The following ADAMTS19 variants were observed in gnomAD, a reference collection of about 807,000 sequenced individuals.
ADAMTS19 encodes the protein A disintegrin and metalloproteinase with thrombospondin motifs 19.
In ADAMTS19, 93 loss-of-function variants were observed where a neutral mutation model predicts 153.3. That is an observed-to-expected ratio of 0.61 (90% CI 0.51 to 0.72). The LOEUF (loss-of-function observed/expected upper bound fraction) is 0.72, where lower values mean the gene tolerates loss of function less well. Among genes scored for constraint, ADAMTS19 ranks in the 30% least tolerant of loss-of-function variants. The probability of loss-of-function intolerance (pLI) is 0.00; values close to 1 mark genes in which losing one functional copy is unlikely to be tolerated. For missense variants in ADAMTS19, 1,482 were observed against 1,552.1 expected, an observed-to-expected ratio of 0.95 and a Z score of 0.76; for synonymous variants, 600 against 556.6, an observed-to-expected ratio of 1.08 and a Z score of -1.10.
chr5:129,643,144 C>A (rs1013635927), intron 11 of ADAMTS19, among the ~76,000 whole-genome samples: 1 of 151,276 alleles, frequency 6.6e-6, no homozygotes, highest in Non-Finnish European at 1.5e-5. Flanking sequence ...AGTGTGTATA[C>A]AGATGTGAAT....
intron 17 of ADAMTS19, among the ~76,000 whole-genome samples, chr5:129,682,756 G>C (rs1219839631): frequency 6.6e-6 from 1 of 152,136 alleles, no homozygotes; most frequent in African/African-American, 2.4e-5. Flanking sequence ...TTAGTACACT[G>C]TATGTGTTAC....
intron 18 of ADAMTS19, among the ~76,000 whole-genome samples, chr5:129,693,784 ATAG>A (rs1237353967): frequency 6.6e-6 from 1 of 152,190 alleles, no homozygotes; most frequent in Non-Finnish European, 1.5e-5. Context: ...AAATTTTATC[ATAG>A]TAGAGAAAGT....
intron 21 of ADAMTS19, among the ~76,000 whole-genome samples, chr5:129,724,509 C>G (rs1240237144): frequency 6.6e-6 from 1 of 152,028 alleles, no homozygotes; most frequent in Non-Finnish European, 1.5e-5. Context: ...GAAGGAGAGA[C>G]CAAGGCAAGT....
At chr5:129,686,452 A>C (rs908431495) in intron 18 of ADAMTS19, among the ~76,000 whole-genome samples, 2 of 152,142 alleles carry the variant, frequency 1.3e-5, no homozygotes, top group Non-Finnish European at 2.9e-5. Context: ...AAGGCTAGAA[A>C]TATAGAGGAT....
intron 6 of ADAMTS19, among the ~76,000 whole-genome samples, chr5:129,530,345 C>T (rs988996559): frequency 3.9e-5 from 6 of 152,048 alleles, no homozygotes; most frequent in Non-Finnish European, 8.8e-5. Flanking sequence ...TATTTGAAGA[C>T]ATAATGGCAA....
At chr5:129,638,058 C>A (rs1427827576) in intron 10 of ADAMTS19, among the ~76,000 whole-genome samples, 1 of 152,004 alleles carries the variant, frequency 6.6e-6, no homozygotes, top group Non-Finnish European at 1.5e-5. Context: ...TGTTCAGTAA[C>A]CCCCTAGGAA....
At chr5:129,708,996 A>ATAC (rs1443523212) in intron 21 of ADAMTS19, among the ~76,000 whole-genome samples, 2 of 152,100 alleles carry the variant, frequency 1.3e-5, no homozygotes, top group Non-Finnish European at 2.9e-5. Context: ...ATTTGTTTAG[A>ATAC]AGTGATAGAT....
chr5:129,521,467 T>C (rs1188693447), intron 3 of ADAMTS19, among the ~76,000 whole-genome samples: 2 of 152,202 alleles, frequency 1.3e-5, no homozygotes, highest in Non-Finnish European at 2.9e-5. Flanking sequence ...TTCCTATTCA[T>C]ATACAATTTT....
At chr5:129,551,442 G>A (rs914709382) in intron 6 of ADAMTS19, among the ~76,000 whole-genome samples, 1 of 151,550 alleles carries the variant, frequency 6.6e-6, no homozygotes, top group Non-Finnish European at 1.5e-5. Flanking sequence ...AAAATATTAT[G>A]TTGTTTTAAG....
At chr5:129,617,786 C>A (rs1421945730) in intron 8 of ADAMTS19, among the ~76,000 whole-genome samples, 1 of 151,940 alleles carries the variant, frequency 6.6e-6, no homozygotes, top group Admixed American at 6.6e-5. Flanking sequence ...TAAGTAAATT[C>A]TTTTGATTGT....
At chr5:129,669,017 T>A (rs1048692525) in intron 16 of ADAMTS19, among the ~76,000 whole-genome samples, 1 of 151,904 alleles carries the variant, frequency 6.6e-6, no homozygotes, top group African/African-American at 2.4e-5. Context: ...ATTAAAACAG[T>A]ACGATCCTGG....
intron 7 of ADAMTS19, among the ~76,000 whole-genome samples, chr5:129,594,995 T>C (rs1306991131): frequency 6.6e-6 from 1 of 152,142 alleles, no homozygotes; most frequent in African/African-American, 2.4e-5. Flanking sequence ...GATGATAAAT[T>C]TCTATAAAAT....
At chr5:129,591,681 A>AATAGTAAGACTC (rs1561589333) in intron 7 of ADAMTS19, among the ~76,000 whole-genome samples, 1 of 152,102 alleles carries the variant, frequency 6.6e-6, no homozygotes, top group Non-Finnish European at 1.5e-5. Context: ...TGCTTCAAAT[A>AATAGTAAGACTC]ATAGTAAGAC....
intron 10 of ADAMTS19, among the ~76,000 whole-genome samples, chr5:129,631,759 G>A (rs1752308456): frequency 6.6e-6 from 1 of 151,818 alleles, no homozygotes; most frequent in African/African-American, 2.4e-5. Context: ...GCCTCTTGTA[G>A]TATAAGCATG....
At chr5:129,551,223 T>C (rs2126822353) in intron 6 of ADAMTS19, among the ~76,000 whole-genome samples, 1 of 151,806 alleles carries the variant, frequency 6.6e-6, no homozygotes, top group South Asian at 2.1e-4. Flanking sequence ...ATAGCTCTTA[T>C]TAAGGTCTAT....
In ADAMTS19 at chr5:129,647,743, TAA is replaced by T; in HGVS notation, c.1873-21_1873-20del. On this transcript the variant is annotated intron_variant, in intron 11 of 22. Transcript: ENST00000274487. ...TCAGTTGTGCCCTGATTTGTTCACC[TAA>T]GACATAACTTTTGGAATAGTGGTGT... 6.2e-7 allele frequency: 1 copy of T among 1,612,000 alleles called. No homozygotes were observed. The highest frequency in any genetic ancestry group is 8.5e-7 in the Non-Finnish European group (1 of 1,178,482).
chr5:129,514,543 T>C (rs540204970), intron 3 of ADAMTS19, among the ~76,000 whole-genome samples: 4 of 152,176 alleles, frequency 2.6e-5, no homozygotes, highest in African/African-American at 9.6e-5. Flanking sequence ...TGACCAATGA[T>C]GTTGAGCACC....
chr5:129,665,607 A>T, intron 16 of ADAMTS19, 28 bp downstream of exon 16: 1 of 1,563,278 alleles, frequency 6.4e-7, no homozygotes, highest in African/African-American at 1.4e-5. Flanking sequence ...CACAGAGAAG[A>T]TCCAAGTACG....
At chr5:129,560,069 C>G (rs1753443959) in intron 7 of ADAMTS19, among the ~76,000 whole-genome samples, 1 of 152,090 alleles carries the variant, frequency 6.6e-6, no homozygotes, top group African/African-American at 2.4e-5. Context: ...TACTTCAATT[C>G]TTGAAAGATA....
Sources: gnomAD v4.1 joint callset for allele counts (sites outside exome capture counted in the v4.1 genomes callset) on GRCh38, gnomAD v4.1.1 for gene constraint, MANE v1.5 for transcripts, NCBI Gene and HGNC (gene_info 2026-07-23, HGNC 2026-07-21) for gene names.